AGBL1: variants seen among roughly 807,000 people sequenced by gnomAD.
The protein encoded by AGBL1 is cytosolic carboxypeptidase 4.
In AGBL1, 130 loss-of-function variants were observed where a neutral mutation model predicts 118.9. That is an observed-to-expected ratio of 1.09 (90% confidence interval 0.95 to 1.26). The LOEUF is 1.26. AGBL1 is among the 50% of genes most tolerant of loss of function. The probability of loss-of-function intolerance (pLI) is 0.00; values close to 1 mark genes in which losing one functional copy is unlikely to be tolerated. For missense variants in AGBL1, 1,584 were observed against 1,298.1 expected, an observed-to-expected ratio of 1.22 and a Z score of -3.38; for synonymous variants, 555 against 478.9, an observed-to-expected ratio of 1.16 and a Z score of -2.08.
rs111723494 is a variant in AGBL1 at position 86,657,291 on chromosome 15, G to A, written c.2995-16982G>A. Among the ~76,000 whole-genome samples the A allele has an allele frequency of 3.7e-4, 56 of 152,208 alleles. 2 individuals are homozygous for A. The highest frequency in any genetic ancestry group is 1.3e-3 in the African/African-American group (54 of 41,536). On this transcript the variant is annotated intron_variant, in intron 21 of 22. Coordinates refer to ENST00000614907, the MANE Select transcript of AGBL1 (RefSeq NM_001386094.1). ...CCTGGCCAATCAGTTTGCCAGCCCC[G>A]GTAAGAGCTCGTTTCCTCCTGCTCC...
chr15:86,594,484 T>C (rs1020528510), intron 21 of AGBL1, among the ~76,000 whole-genome samples: 1 of 152,216 alleles, frequency 6.6e-6, no homozygotes, highest in African/African-American at 2.4e-5. Flanking sequence ...CTATAATTCA[T>C]CTCTGAAATA....
chr15:86,272,834 A>G lies in AGBL1; in HGVS notation c.2075+1128A>G, dbSNP rs377443259. Among the ~76,000 whole-genome samples the G allele has an allele frequency of 1.3e-3, 198 of 152,304 alleles. 6 individuals are homozygous for G. The South Asian group carries it at 0.038, about 29-fold the overall frequency. On this transcript the variant is annotated intron_variant, in intron 15 of 22. Transcript: ENST00000614907. ...TTATATCCTTTAGAAAAATTGCACA[A>G]TATTATGACTTTGTTGGTTTTCCAT...
intron 1 of AGBL1, among the ~76,000 whole-genome samples, chr15:86,107,070 A>G (rs17651945): frequency 0.036 from 5,467 of 152,322 alleles, 171 homozygotes; most frequent in Non-Finnish European, 0.051. Flanking sequence ...TAGATTAAAA[A>G]CAGAACATAC....
intron 18 of AGBL1, among the ~76,000 whole-genome samples, chr15:86,478,209 A>G (rs2082591783): frequency 6.6e-6 from 1 of 152,178 alleles, no homozygotes; most frequent in Admixed American, 6.5e-5. Context: ...CCTACTGAAC[A>G]TAGTGTTGGA....
intron 23 of AGBL1, among the ~76,000 whole-genome samples, chr15:86,928,541 CTA>C (rs1253632208): frequency 1.3e-5 from 2 of 152,174 alleles, no homozygotes; most frequent in Non-Finnish European, 2.9e-5. Flanking sequence ...TTCCACTGCA[CTA>C]TCACGTGCTG....
intron 18 of AGBL1, among the ~76,000 whole-genome samples, chr15:86,433,699 A>G (rs1156920979): frequency 6.6e-6 from 1 of 151,898 alleles, no homozygotes. Flanking sequence ...TCCAGTGTCT[A>G]CTCCCACTCA....
At chr15:86,596,015 G>T (rs909078795) in intron 21 of AGBL1, among the ~76,000 whole-genome samples, 2 of 152,032 alleles carry the variant, frequency 1.3e-5, no homozygotes, top group Non-Finnish European at 2.9e-5. Context: ...CCAATCTTAG[G>T]GGGTTGGGTG....
chr15:86,266,567 G>C, intron 12 of AGBL1, 110 bp downstream of exon 12: 1 of 811,114 alleles, frequency 1.2e-6, no homozygotes. Flanking sequence ...AAAACAGCAT[G>C]ATGAAAATCC....
chr15:86,114,102 A>G (rs1025437083), intron 1 of AGBL1, among the ~76,000 whole-genome samples: 2 of 152,276 alleles, frequency 1.3e-5, no homozygotes, highest in Non-Finnish European at 2.9e-5. Context: ...AATAGAAATT[A>G]TTTATAAACT....
chr15:86,723,733 C>T (rs982744549), intron 22 of AGBL1, among the ~76,000 whole-genome samples: 1 of 151,006 alleles, frequency 6.6e-6, no homozygotes, highest in African/African-American at 2.4e-5. Context: ...CAAAAATATA[C>T]AAAAGAATTA....
chr15:86,940,352 T>A (rs1189015527), intron 23 of AGBL1, among the ~76,000 whole-genome samples: 1 of 152,148 alleles, frequency 6.6e-6, no homozygotes, highest in Non-Finnish European at 1.5e-5. Context: ...TCAGCTGAGA[T>A]GATTTATCAA....
chr15:86,514,204 G>T (rs2083089458), intron 18 of AGBL1, among the ~76,000 whole-genome samples: 1 of 151,646 alleles, frequency 6.6e-6, no homozygotes, highest in African/African-American at 2.4e-5. Flanking sequence ...TTAAAATCAT[G>T]AGTTTATGCT....
chr15:86,659,560 C>CG (rs2085508793), intron 21 of AGBL1, among the ~76,000 whole-genome samples: 1 of 152,126 alleles, frequency 6.6e-6, no homozygotes, highest in South Asian at 2.1e-4. Context: ...CTACCCGCCA[C>CG]GGCGTCTTTA....
intron 21 of AGBL1, among the ~76,000 whole-genome samples, chr15:86,565,921 C>G (rs1429344375): frequency 6.6e-6 from 1 of 152,222 alleles, no homozygotes; most frequent in African/African-American, 2.4e-5. Flanking sequence ...GGCGTGGGAC[C>G]CTCTGAGCCA....
intron 21 of AGBL1, among the ~76,000 whole-genome samples, chr15:86,576,187 A>G (rs554023260): frequency 6.6e-6 from 1 of 152,316 alleles, no homozygotes; most frequent in South Asian, 2.1e-4. Context: ...TAGTCATCAG[A>G]AAGAAAAGGG....
chr15:86,236,370 G>C (rs1195984197), intron 6 of AGBL1, among the ~76,000 whole-genome samples: 1 of 150,680 alleles, frequency 6.6e-6, no homozygotes, highest in Non-Finnish European at 1.5e-5. Flanking sequence ...TTTCCAGTAG[G>C]GGATGAAGCA....
chr15:86,937,457 C>T (rs1198097656), intron 23 of AGBL1, among the ~76,000 whole-genome samples: 1 of 152,194 alleles, frequency 6.6e-6, no homozygotes, highest in African/African-American at 2.4e-5. Context: ...CCATGGAATA[C>T]TATGCAGCCA....
intron 17 of AGBL1, among the ~76,000 whole-genome samples, chr15:86,334,040 A>G (rs2080317654): frequency 6.6e-6 from 1 of 152,240 alleles, no homozygotes; most frequent in African/African-American, 2.4e-5. Flanking sequence ...CAAAATAGTA[A>G]GAGCCATCTA....
intron 2 of AGBL1, among the ~76,000 whole-genome samples, chr15:86,142,334 G>T (rs552159120): frequency 2.0e-5 from 3 of 152,134 alleles, no homozygotes; most frequent in African/African-American, 7.2e-5. Flanking sequence ...CCCTCTTCTC[G>T]CCCTGCTCGC....
Sources: allele counts gnomAD v4.1 joint callset (sites outside exome capture counted in the v4.1 genomes callset), GRCh38; gene constraint gnomAD v4.1.1; transcripts MANE v1.5; gene names NCBI Gene and HGNC (gene_info 2026-07-23, HGNC 2026-07-21).